RP1: variants seen among roughly 807,000 people sequenced by gnomAD.
RP1 encodes RP1 axonemal microtubule associated.
Under a neutral mutation model 14.8 loss-of-function variants are expected in RP1, and 16 were observed. The ratio of observed to expected loss-of-function variants is 1.08; its 90% CI spans 0.73 to 1.65. The LOEUF (loss-of-function observed/expected upper bound fraction) is 1.65. Ranked by LOEUF, RP1 falls within the 40% of genes most tolerant of loss-of-function variation. The probability of loss-of-function intolerance (pLI) is 0.00; values close to 1 mark genes in which losing one functional copy is unlikely to be tolerated. For synonymous variants in RP1, 876 were observed against 883.6 expected (o/e 0.99, Z 0.15); for missense variants, 2,631 against 2,535.0 (o/e 1.04, Z -0.81).
At chr8:54,689,885 TC>T (rs1807668983) in intron 12 of RP1, among the ~76,000 whole-genome samples, 1 of 152,078 alleles carries the variant, frequency 6.6e-6, no homozygotes, top group South Asian at 2.1e-4. Flanking sequence ...TTTTTAAGTT[TC>T]CAGTTCCAGT....
At chr8:54,747,783 G>A (rs545614787) in intron 19 of RP1, among the ~76,000 whole-genome samples, 1 of 152,202 alleles carries the variant, frequency 6.6e-6, no homozygotes, top group South Asian at 2.1e-4. Context: ...AGCTGAGATT[G>A]TACCACTGCA....
exon 28 of RP1, chr8:54,865,894 G>A (rs1232171377): frequency 2.4e-6 from 3 of 1,227,646 alleles, no homozygotes; most frequent in Non-Finnish European, 3.0e-6. Flanking sequence ...CAGCAGTGAA[G>A]AGGTGCTGTT....
intron 12 of RP1, among the ~76,000 whole-genome samples, chr8:54,689,087 G>A (rs1248706769): frequency 6.6e-6 from 1 of 152,096 alleles, no homozygotes; most frequent in African/African-American, 2.4e-5. Context: ...GTGAATGGGA[G>A]TTCACTCATG....
At chr8:54,743,862 C>T (rs1413433645) in intron 19 of RP1, among the ~76,000 whole-genome samples, 1 of 152,152 alleles carries the variant, frequency 6.6e-6, no homozygotes, top group Non-Finnish European at 1.5e-5. Context: ...GAGGCCGCTT[C>T]CCATGATGTA....
At chr8:54,580,871 C>T (rs1004207618) in intron 1 of RP1, among the ~76,000 whole-genome samples, 48 of 152,154 alleles carry the variant, frequency 3.2e-4, no homozygotes, top group African/African-American at 1.2e-3. Context: ...CCCACCTCGG[C>T]CTCCCAAAGT....
chr8:54,699,542 C>T, exon 13 of RP1: 1 of 1,399,166 alleles, frequency 7.1e-7, no homozygotes, highest in Non-Finnish European at 9.4e-7. Context: ...CTTTCTCTTG[C>T]TCTTGACAAT....
At chr8:54,588,622 G>T (rs975884556) in intron 1 of RP1, among the ~76,000 whole-genome samples, 2 of 152,198 alleles carry the variant, frequency 1.3e-5, no homozygotes, top group African/African-American at 4.8e-5. Context: ...TCAGAAGCTA[G>T]TGTTAGTAGC....
chr8:54,601,598 G>GAAAAAAAAAAAAAA (rs1296926931), intron 1 of RP1, among the ~76,000 whole-genome samples: 2 of 93,680 alleles, frequency 2.1e-5, no homozygotes. Flanking sequence ...AAAAAACTTA[G>GAAAAAAAAAAAAAA]AAAAAAAAAA....
At chr8:54,863,632 CT>C (rs540018557) in intron 27 of RP1, among the ~76,000 whole-genome samples, 266 of 152,298 alleles carry the variant, frequency 1.7e-3, no homozygotes, top group African/African-American at 5.9e-3. Context: ...CACTTGAGAG[CT>C]CTACAAAGTC....
chr8:54,641,234 T>C (rs897047726), intron 3 of RP1, among the ~76,000 whole-genome samples: 16 of 152,128 alleles, frequency 1.1e-4, no homozygotes, highest in African/African-American at 3.4e-4. Context: ...CGTGAGCCAC[T>C]GCGTCCGGCC....
chr8:54,684,984 G>A (rs1276055279), intron 12 of RP1, among the ~76,000 whole-genome samples: 2 of 152,138 alleles, frequency 1.3e-5, no homozygotes, highest in Non-Finnish European at 2.9e-5. Context: ...ACTGCGGCTT[G>A]TTGTGGGAGG....
At chr8:54,815,534 A>G (rs762245863) in intron 24 of RP1, among the ~76,000 whole-genome samples, 1 of 152,236 alleles carries the variant, frequency 6.6e-6, no homozygotes, top group Non-Finnish European at 1.5e-5. Flanking sequence ...AAATGTGAAT[A>G]TTAAGATAGA....
chr8:54,705,666 T>A (rs893257414), intron 14 of RP1, among the ~76,000 whole-genome samples: 2 of 152,190 alleles, frequency 1.3e-5, no homozygotes, highest in African/African-American at 4.8e-5. Context: ...GAGGCGAAGG[T>A]CAGACTTCTC....
chr8:54,712,326 T>A (rs1351922795), intron 15 of RP1, among the ~76,000 whole-genome samples: 1 of 152,180 alleles, frequency 6.6e-6, no homozygotes, highest in Non-Finnish European at 1.5e-5. Flanking sequence ...CAGCTTAAAA[T>A]ACTCACTGTG....
At chr8:54,699,338 T>C (rs1299610397) in intron 12 of RP1, 3 of 407,198 alleles carry the variant, frequency 7.4e-6, no homozygotes, top group Non-Finnish European at 1.3e-5. Context: ...TGGAGATGCA[T>C]TTTACCTTTA....
At chr8:54,854,511 T>C (rs1173648368) in intron 26 of RP1, among the ~76,000 whole-genome samples, 1 of 152,234 alleles carries the variant, frequency 6.6e-6, no homozygotes, top group Non-Finnish European at 1.5e-5. Flanking sequence ...ATTAAATATC[T>C]AGAAGACAAT....
intron 6 of RP1, among the ~76,000 whole-genome samples, chr8:54,662,284 G>T (rs1051703985): frequency 5.9e-5 from 9 of 152,098 alleles, no homozygotes; most frequent in African/African-American, 2.2e-4. Context: ...TTAATTTCAG[G>T]TTATAAATCC....
chr8:54,639,525 T>C lies in RP1; in HGVS notation c.788-9460T>C, dbSNP rs146686855. Among the ~76,000 whole-genome samples the C allele has an allele frequency of 1.4e-4, 21 of 152,300 alleles. No homozygotes were observed. The East Asian group carries it at 4.0e-3, about 29-fold the overall frequency. ...AAGTAGTTGTATCATTTTGTATCCC[T>C]ACCAACAATATATGAGGATTCTAGT... is the stretch of plus-strand genomic sequence containing the variant. On this transcript the variant is annotated intron_variant, in intron 3 of 22. Transcript: ENST00000636932.
At chr8:54,698,795 A>G (rs1376109881) in intron 12 of RP1, among the ~76,000 whole-genome samples, 2 of 152,158 alleles carry the variant, frequency 1.3e-5, no homozygotes, top group Non-Finnish European at 2.9e-5. Context: ...AGAAGAGAAA[A>G]CCAAACACCT....
Sources: allele counts gnomAD v4.1 joint callset (sites outside exome capture counted in the v4.1 genomes callset), GRCh38; gene constraint gnomAD v4.1.1; transcripts MANE v1.5; gene names NCBI Gene and HGNC (gene_info 2026-07-23, HGNC 2026-07-21).